WDR59: variants seen among roughly 807,000 people sequenced by gnomAD.
WDR59 encodes WD repeat domain 59.
A neutral mutation model predicts 131.2 loss-of-function variants in WDR59; 100 were observed. That is an observed-to-expected ratio of 0.76 (90% CI 0.65 to 0.90). The LOEUF (loss-of-function observed/expected upper bound fraction) is 0.90, where lower values mean the gene tolerates loss of function less well. WDR59 is among the 40% of genes least tolerant of loss of function. The pLI is 0.00. For synonymous variants in WDR59, 601 were observed against 466.2 expected (o/e 1.29, Z -3.72); for missense variants, 1,203 against 1,262.2 (o/e 0.95, Z 0.71).
At position 74,915,608 on chromosome 16, in the gene WDR59, G is replaced by A. The variant is rs536589465; in HGVS notation, c.1224+262C>T. The A allele has an allele frequency of 1.1e-3, 292 of 268,238 alleles. 1 individual carries two copies. Among genetic ancestry groups the A allele is most frequent in the African/African-American group, 6.3e-3 (283 of 45,022 alleles). 16.6% of individuals were successfully genotyped at this position (268,238 alleles called of 1,614,324 possible). ...TTTTTTTTTTTTAAGTGGAGACAGG[G>A]TTTCACCATGTTGGCCAGGCTGGTC... On this transcript the variant is annotated intron_variant, in intron 13 of 25. Transcript: ENST00000262144.
intron 13 of WDR59, among the ~76,000 whole-genome samples, chr16:74,913,227 T>C (rs1178186867): frequency 6.6e-6 from 1 of 151,652 alleles, no homozygotes; most frequent in African/African-American, 2.4e-5. Flanking sequence ...GGTCAGTTTA[T>C]GGCCAGATTT....
intron 8 of WDR59, among the ~76,000 whole-genome samples, chr16:74,931,502 AT>A (rs2031381083): frequency 1.3e-5 from 2 of 151,942 alleles, no homozygotes; most frequent in Admixed American, 6.6e-5. Flanking sequence ...TGCCTGGCTA[AT>A]TTTTTGCATT....
intron 25 of WDR59, among the ~76,000 whole-genome samples, chr16:74,876,039 G>A (rs546999398): frequency 3.0e-4 from 45 of 151,810 alleles, no homozygotes; most frequent in Middle Eastern, 3.4e-3. Flanking sequence ...ACTTCCCTTC[G>A]TCGTTACACC....
At chr16:74,923,898 T>C (rs1202290406) in intron 9 of WDR59, 28 bp downstream of exon 9, 2 of 1,602,440 alleles carry the variant, frequency 1.2e-6, no homozygotes, top group Non-Finnish European at 1.7e-6. Context: ...AAGAAGTTTC[T>C]TATCAAGAGG....
rs1965977185 is a variant in WDR59 at position 74,909,493 on chromosome 16, A to G, written c.1642+8T>C. 1.3e-6 allele frequency: 2 copies of G among 1,542,880 alleles called. No individual in the cohort carries two copies. The highest frequency in any genetic ancestry group is 4.4e-5 in the Admixed American group (2 of 45,872). ...GAAATCTAGAATCAAAGAACCAAAG[A>G]GACCCACCTGCTCCGCAGAACCTGG... On this transcript the variant is annotated splice_region_variant and intron_variant, in intron 16 of 25. Coordinates refer to ENST00000262144, the MANE Select transcript of WDR59 (RefSeq NM_030581.4).
At chr16:74,942,177 G>A (rs940842574) in intron 7 of WDR59, among the ~76,000 whole-genome samples, 1 of 152,164 alleles carries the variant, frequency 6.6e-6, no homozygotes, top group Non-Finnish European at 1.5e-5. Context: ...GTGTCCATGG[G>A]CTGCTGCAGT....
In WDR59 at chr16:74,953,750, C is replaced by G. The variant is rs1316813884; in HGVS notation, c.241-2207G>C. Among the ~76,000 whole-genome samples, 3 of 151,596 alleles carry G rather than the reference C, an allele frequency of 2.0e-5. No individual in the cohort carries two copies. In the South Asian group the frequency reaches 6.3e-4, roughly 32 times the overall value. ...GGCGTGGTGTCTCATGCCTGTAATCCCAGCACTTTGGGAGGCCGAGGCAGG... is the reference window on the plus strand; with the variant it reads ...GGCGTGGTGTCTCATGCCTGTAATCGCAGCACTTTGGGAGGCCGAGGCAGG... On this transcript the variant is annotated intron_variant, in intron 3 of 25. Coordinates refer to ENST00000262144, the MANE Select transcript of WDR59 (RefSeq NM_030581.4).
At chr16:74,899,928 G>A (rs922521543) in intron 18 of WDR59, among the ~76,000 whole-genome samples, 3 of 152,092 alleles carry the variant, frequency 2.0e-5, no homozygotes, top group Admixed American at 6.6e-5. Flanking sequence ...TAAGCACAGC[G>A]GAATTCGGCT....
At chr16:74,897,098 G>A (rs1421300173) in intron 18 of WDR59, among the ~76,000 whole-genome samples, 1 of 152,248 alleles carries the variant, frequency 6.6e-6, no homozygotes, top group Non-Finnish European at 1.5e-5. Context: ...ATTTCTGCAT[G>A]AAGGAGATTG....
At chr16:74,934,073 CT>C (rs1226289759) in intron 8 of WDR59, among the ~76,000 whole-genome samples, 2 of 149,264 alleles carry the variant, frequency 1.3e-5, no homozygotes, top group African/African-American at 2.5e-5. Flanking sequence ...ATTAGATATG[CT>C]TGTCATTCTG....
intron 12 of WDR59, 33 bp downstream of exon 12, chr16:74,916,094 C>G (rs866919732): frequency 6.2e-7 from 1 of 1,614,132 alleles, no homozygotes. Context: ...CGTAGAGTGG[C>G]ACCTTACCTG....
intron 13 of WDR59, among the ~76,000 whole-genome samples, chr16:74,912,973 C>T (rs986941077): frequency 1.3e-5 from 2 of 152,070 alleles, no homozygotes; most frequent in Non-Finnish European, 2.9e-5. Context: ...CCGGTAAACC[C>T]ACAGCCTTCC....
At chr16:74,929,816 A>G (rs2031216860) in intron 8 of WDR59, among the ~76,000 whole-genome samples, 1 of 152,224 alleles carries the variant, frequency 6.6e-6, no homozygotes, top group Non-Finnish European at 1.5e-5. Context: ...AAGAAAATGT[A>G]GTGCATATAC....
intron 17 of WDR59, among the ~76,000 whole-genome samples, chr16:74,904,807 G>A (rs947517410): frequency 6.6e-6 from 1 of 152,054 alleles, no homozygotes; most frequent in Admixed American, 6.5e-5. Context: ...TGGCATAAAG[G>A]ATAAATAGAT....
Position 74,889,468 on chromosome 16 carries a change from C to A in WDR59, c.2195+235G>T, listed in dbSNP as rs545807113. On this transcript the variant is annotated intron_variant, in intron 21 of 25. Transcript: ENST00000262144. ...CTAAAGCATGAATCTCTAAAGGATA[C>A]ATGAGTCTCAGGGGTCTCAAATCCT... Among the ~76,000 whole-genome samples the A allele has an allele frequency of 2.0e-5, 3 of 152,286 alleles. No homozygotes were observed. In the East Asian group the frequency reaches 5.8e-4, roughly 29 times the overall value.
chr16:74,909,064 ATC>A, intron 16 of WDR59, 87 bp from the exon 17 acceptor site: 1 of 1,114,018 alleles, frequency 9.0e-7, no homozygotes, highest in Non-Finnish European at 1.4e-6. Flanking sequence ...TCTTTCTTCT[ATC>A]TCTGTACACC....
chr16:74,956,643 A>T (rs767491036), intron 2 of WDR59, 33 bp from the exon 3 acceptor site: 1 of 1,602,396 alleles, frequency 6.2e-7, no homozygotes, highest in Non-Finnish European at 8.5e-7. Flanking sequence ...TAATAGTATA[A>T]AAACACAACA....
At chr16:74,912,078 G>C in intron 14 of WDR59, 120 bp downstream of exon 14, 1 of 1,324,994 alleles carries the variant, frequency 7.5e-7, no homozygotes, top group Non-Finnish European at 1.1e-6. Flanking sequence ...GCTAATACTA[G>C]TGTGTGTACG....
At chr16:74,958,361 G>A (rs1465599863) in intron 2 of WDR59, among the ~76,000 whole-genome samples, 1 of 151,514 alleles carries the variant, frequency 6.6e-6, no homozygotes, top group Non-Finnish European at 1.5e-5. Context: ...AGGCCAAGGT[G>A]GGTGGATAGC....
Sources: gnomAD v4.1 joint callset for allele counts (sites outside exome capture counted in the v4.1 genomes callset) on GRCh38, gnomAD v4.1.1 for gene constraint, MANE v1.5 for transcripts, NCBI Gene and HGNC (gene_info 2026-07-23, HGNC 2026-07-21) for gene names.